The following TNC variants were observed in gnomAD, a reference collection of about 807,000 sequenced individuals.
The protein encoded by TNC is tenascin C.
Under a neutral mutation model 202.4 loss-of-function variants are expected in TNC, and 109 were observed. The observed-to-expected ratio is 0.54, with a 90% CI of 0.46 to 0.63. TNC has a LOEUF of 0.63. Among genes scored for constraint, TNC ranks in the 30% least tolerant of loss-of-function variants. The pLI is 0.00. For synonymous variants in TNC, 1,007 were observed against 1,089.7 expected, an observed-to-expected ratio of 0.92 and a Z score of 1.50; for missense variants, 2,756 against 2,833.3, an observed-to-expected ratio of 0.97 and a Z score of 0.62.
rs77938844 is a variant in TNC, at chr9:115,034,187, G to A, written c.5787+1017C>T. Among the ~76,000 whole-genome samples, 822 of 152,310 alleles carry A rather than the reference G, an allele frequency of 5.4e-3. 6 individuals carry two copies. The highest frequency in any genetic ancestry group is 0.019 in the African/African-American group (792 of 41,548). On this transcript the variant is annotated intron_variant, in intron 22 of 27. Transcript: ENST00000350763. ...CAAATCCACCAGGCTCAGCCTTCAAGGAGGCCGAGGTGCTACACTGGAAAC... is the reference window on the plus strand; with the variant it reads ...CAAATCCACCAGGCTCAGCCTTCAAAGAGGCCGAGGTGCTACACTGGAAAC...
intron 3 of TNC, 89 bp downstream of exon 3, chr9:115,085,775 G>T: frequency 8.2e-7 from 1 of 1,213,158 alleles, no homozygotes; most frequent in Non-Finnish European, 1.1e-6. Flanking sequence ...GTGCATGAAT[G>T]TTTATATATA....
chr9:115,089,080 A>G (rs1236691353), intron 2 of TNC, among the ~76,000 whole-genome samples: 2 of 152,210 alleles, frequency 1.3e-5, no homozygotes, highest in African/African-American at 4.8e-5. Context: ...ACTACTTAGC[A>G]TTACTCCTAC....
At chr9:115,081,166 G>A (rs1834275466) in intron 6 of TNC, among the ~76,000 whole-genome samples, 1 of 152,194 alleles carries the variant, frequency 6.6e-6, no homozygotes, top group Non-Finnish European at 1.5e-5. Flanking sequence ...ACTATGGGAT[G>A]TTAAAGTGAT....
intron 10 of TNC, among the ~76,000 whole-genome samples, chr9:115,065,935 T>C (rs1832919047): frequency 6.6e-6 from 1 of 151,700 alleles, no homozygotes; most frequent in Admixed American, 6.6e-5. Flanking sequence ...GCCTCTTCTT[T>C]TTTGTGCTGC....
At chr9:115,066,717 C>T (rs1311762686) in intron 10 of TNC, among the ~76,000 whole-genome samples, 2 of 152,102 alleles carry the variant, frequency 1.3e-5, no homozygotes, top group Non-Finnish European at 2.9e-5. Flanking sequence ...TTTACATGGT[C>T]GGGAAATAAA....
chr9:115,040,334 G>A (rs1830636306), intron 19 of TNC, among the ~76,000 whole-genome samples: 1 of 152,204 alleles, frequency 6.6e-6, no homozygotes, highest in Non-Finnish European at 1.5e-5. Context: ...GAAGGGTTTA[G>A]TAACAGTGCC....
chr9:115,108,040 C>T (rs1038986846), intron 1 of TNC, among the ~76,000 whole-genome samples: 3 of 152,196 alleles, frequency 2.0e-5, no homozygotes, highest in Non-Finnish European at 4.4e-5. Flanking sequence ...CTTCCAGAAT[C>T]TGCTGAGGCC....
Position 115,031,594 on chromosome 9 carries a change from C to T in TNC, c.5879G>A (p.Gly1960Glu). 6 of 1,609,146 alleles carry T rather than the reference C, an allele frequency of 3.7e-6. No homozygotes were observed. The highest frequency in any genetic ancestry group is 4.2e-6 in the Non-Finnish European group (5 of 1,177,718). ...HYTAKIQALN[G>E]PLRSNMIQTI... ...CTGGATCATATTGCTCCTCAGGGGC[C>T]CATTGAGTGCCTGGATCTTGGCTGT... Residue 1960 changes from glycine (G) to glutamate (E), a missense_variant, in exon 23 of 28, where the codon GGG (glycine) becomes GAG (glutamate). This residue lies in a region of TNC where 2,559 missense variants were observed against 2,546.0 expected (regional missense o/e 1.01). Coordinates refer to ENST00000350763, the MANE Select transcript of TNC (RefSeq NM_002160.4).
chr9:115,059,902 G>A lies in TNC; in HGVS notation c.4134C>T (p.Val1378=). The part of the protein sequence containing the change: ...TAADNAYEHF[V]IQVQEVNKVE... ...CTTTGTTGACCTCCTGCACCTGAAT[G>A]ACAAAGTGCTCATAGGCATTGTCAG... The change falls in exon 14 of 28, where the codon GTC becomes GTT. Residue 1378 remains valine, a synonymous_variant. Transcript: ENST00000350763. 1 of 1,614,136 alleles carries A rather than the reference G, an allele frequency of 6.2e-7. No individual in the cohort carries two copies. Among genetic ancestry groups the A allele is most frequent in the Non-Finnish European group, 8.5e-7 (1 of 1,180,016 alleles).
Position 115,026,715 on chromosome 9 carries a change from G to T in TNC, c.6170-20C>A. On this transcript the variant is annotated intron_variant, in intron 25 of 27. Coordinates refer to ENST00000350763, the MANE Select transcript of TNC (RefSeq NM_002160.4). ...CCAGCCCTGTGGATGACAGGCAAGG[G>T]TTGCTAAGAAGCACAGGTGACTGAG... 6.2e-7 allele frequency: 1 copy of T among 1,612,390 alleles called. No individual in the cohort carries two copies. The highest frequency in any genetic ancestry group is 8.5e-7 in the Non-Finnish European group (1 of 1,179,316).
rs1299176944 is a variant in TNC at position 115,069,806 on chromosome 9, TCCTC to T, written c.3214+3793_3214+3796del. Among the ~76,000 whole-genome samples, 8 of 69,326 alleles carry T rather than the reference TCCTC, an allele frequency of 1.2e-4. 1 individual carries two copies. The highest frequency in any genetic ancestry group is 2.8e-4 in the African/African-American group (5 of 18,120). 45.5% of individuals were successfully genotyped at this position (69,326 alleles called of 152,430 possible). On this transcript the variant is annotated intron_variant, in intron 10 of 27. Coordinates refer to ENST00000350763, the MANE Select transcript of TNC (RefSeq NM_002160.4). ...TTCCTTCCTTCCTTCCTTCCTCCCT[TCCTC>T]CCTCCCTCCCTCCCTTCCTTCCTCC...
At chr9:115,094,357 G>A (rs1835456290) in intron 1 of TNC, among the ~76,000 whole-genome samples, 2 of 152,182 alleles carry the variant, frequency 1.3e-5, no homozygotes, top group East Asian at 3.9e-4. Context: ...GGTGGGTGAG[G>A]AGGTAAATTT....
intron 16 of TNC, 113 bp from the exon 17 acceptor site, chr9:115,046,795 G>T: frequency 8.1e-7 from 1 of 1,239,988 alleles, no homozygotes; most frequent in Non-Finnish European, 1.1e-6. Flanking sequence ...GGCTTTCAGA[G>T]ATAGAAGTGT....
In TNC at chr9:115,036,259, A is replaced by G; in HGVS notation, c.5513-18T>C. The G allele has an allele frequency of 6.2e-7, 1 of 1,613,136 alleles. No individual in the cohort carries two copies. The highest frequency in any genetic ancestry group is 1.1e-5 in the South Asian group (1 of 90,990). On this transcript the variant is annotated intron_variant, in intron 20 of 27. Transcript: ENST00000350763. ...TTCTGGCACTAAACATGAAATACAC[A>G]TACCAAGGCAGTCACCTCTCACTGT...
At chr9:115,101,553 G>C (rs1836237171) in intron 1 of TNC, among the ~76,000 whole-genome samples, 1 of 152,166 alleles carries the variant, frequency 6.6e-6, no homozygotes, top group South Asian at 2.1e-4. Flanking sequence ...TTTAGTATTT[G>C]TGATATTCTT....
intron 25 of TNC, among the ~76,000 whole-genome samples, chr9:115,028,754 G>C (rs1829703199): frequency 6.6e-6 from 1 of 151,842 alleles, no homozygotes; most frequent in Non-Finnish European, 1.5e-5. Context: ...TTTATCTTAT[G>C]TAAAGTGCCG....
intron 2 of TNC, among the ~76,000 whole-genome samples, chr9:115,088,698 T>C (rs900848639): frequency 6.6e-6 from 1 of 152,042 alleles, no homozygotes; most frequent in Admixed American, 6.6e-5. Flanking sequence ...AGAAAGAATT[T>C]TTTAAAAAAA....
At chr9:115,048,954 A>G (rs1430723398) in intron 15 of TNC, among the ~76,000 whole-genome samples, 8 of 150,580 alleles carry the variant, frequency 5.3e-5, no homozygotes, top group Non-Finnish European at 7.4e-5. Flanking sequence ...TTTCGAGTAT[A>G]ATTTCTTTCC....
chr9:115,106,755 G>A (rs1836648628), intron 1 of TNC, among the ~76,000 whole-genome samples: 1 of 152,156 alleles, frequency 6.6e-6, no homozygotes, highest in Non-Finnish European at 1.5e-5. Flanking sequence ...AAAACGTGTG[G>A]TTTCCAAGAA....
Sources: gnomAD v4.1 joint callset for allele counts (sites outside exome capture counted in the v4.1 genomes callset) on GRCh38, gnomAD v4.1.1 for gene constraint, gnomAD v4.1.1 regional missense constraint, MANE v1.5 for transcripts, NCBI Gene and HGNC (gene_info 2026-07-23, HGNC 2026-07-21) for gene names.